CCDC30: variants seen among roughly 807,000 people sequenced by gnomAD.
CCDC30 encodes coiled-coil domain containing 30, also known as coiled-coil domain-containing protein 30.
In CCDC30, 70 loss-of-function variants were observed where a neutral mutation model predicts 100.2. The ratio of observed to expected loss-of-function variants is 0.70; its 90% confidence interval spans 0.58 to 0.85. CCDC30 has a LOEUF of 0.85. Ranked by LOEUF, CCDC30 falls within the 40% of genes least tolerant of loss-of-function variation. The pLI is 0.00. For synonymous variants in CCDC30, 233 were observed against 269.5 expected (o/e 0.86, Z 1.33); for missense variants, 652 against 771.2 (o/e 0.85, Z 1.83).
At chr1:42,559,365 C>T (rs1305567087) in intron 6 of CCDC30, among the ~76,000 whole-genome samples, 1 of 152,116 alleles carries the variant, frequency 6.6e-6, no homozygotes, top group Non-Finnish European at 1.5e-5. Context: ...GATAAGGAGT[C>T]AAGACCCATT....
intron 6 of CCDC30, chr1:42,500,300 C>T: frequency 2.5e-6 from 4 of 1,610,474 alleles, no homozygotes; most frequent in South Asian, 2.2e-5. Context: ...TTCGACTTAT[C>T]GAATTTCTCC....
intron 6 of CCDC30, chr1:42,534,959 A>T (rs35880938): frequency 1.4e-5 from 2 of 148,056 alleles, no homozygotes; most frequent in African/African-American, 4.9e-5. Context: ...AGTACAAAAG[A>T]TCAAGAGACA....
At chr1:42,644,796 C>T (rs756061016) in exon 14 of CCDC30, 7 of 1,605,950 alleles carry the variant, frequency 4.4e-6, no homozygotes, top group African/African-American at 4.0e-5. Context: ...CATCCATATT[C>T]GCAGAGGAGA....
intron 6 of CCDC30, among the ~76,000 whole-genome samples, chr1:42,506,725 T>A (rs551081218): frequency 1.3e-5 from 2 of 152,276 alleles, no homozygotes; most frequent in South Asian, 2.1e-4. Context: ...GGAGAGACAA[T>A]TTTGAAACTT....
intron 6 of CCDC30, among the ~76,000 whole-genome samples, chr1:42,520,762 TC>T (rs1313212993): frequency 6.9e-6 from 1 of 143,982 alleles, no homozygotes; most frequent in East Asian, 2.2e-4. Context: ...TGCCTCAGCC[TC>T]CCGGGTAGCT....
At chr1:42,570,283 A>G (rs1645705667) in intron 7 of CCDC30, among the ~76,000 whole-genome samples, 1 of 151,910 alleles carries the variant, frequency 6.6e-6, no homozygotes, top group Admixed American at 6.6e-5. Context: ...CTATGATCAC[A>G]CCACTGCACT....
intron 6 of CCDC30, among the ~76,000 whole-genome samples, chr1:42,512,524 T>A (rs975568698): frequency 1.3e-5 from 2 of 152,292 alleles, no homozygotes; most frequent in Non-Finnish European, 2.9e-5. Context: ...CTATAGAATT[T>A]CCTGATCTTG....
In CCDC30 at chr1:42,476,690, CA is replaced by C. The variant is rs545352046; in HGVS notation, c.-91-3757del. Among the ~76,000 whole-genome samples the C allele has an allele frequency of 4.9e-3, 533 of 108,594 alleles. 2 individuals are homozygous for C. Among genetic ancestry groups the C allele is most frequent in the South Asian group, 0.02 (59 of 2,966 alleles). 71.2% of individuals were successfully genotyped at this position (108,594 alleles called of 152,430 possible). A position where few individuals can be genotyped will look rare whatever the true frequency, so the allele number is the denominator to read the frequency against. ...GGGCAAAAGGAGTGAAACTCCTTCTCAAAAAAAAAAAAAAGATAAAAAAATT... is the reference window on the plus strand; with the variant it reads ...GGGCAAAAGGAGTGAAACTCCTTCTCAAAAAAAAAAAAAGATAAAAAAATT... On this transcript the variant is annotated intron_variant, in intron 1 of 16. Transcript: ENST00000668663.
chr1:42,569,716 G>A (rs1314236221), intron 7 of CCDC30, among the ~76,000 whole-genome samples: 1 of 152,094 alleles, frequency 6.6e-6, no homozygotes, highest in East Asian at 1.9e-4. Context: ...GCAAAGACTT[G>A]GAACCAACCC....
intron 10 of CCDC30, 88 bp from the exon 15 acceptor site, chr1:42,610,890 T>G (rs2148641554): frequency 7.7e-6 from 5 of 647,854 alleles, no homozygotes; most frequent in Non-Finnish European, 1.3e-5. Flanking sequence ...TAAGCTTTTT[T>G]TTTTTTTTTT....
intron 6 of CCDC30, among the ~76,000 whole-genome samples, chr1:42,514,552 A>AT (rs1644526226): frequency 6.6e-6 from 1 of 151,542 alleles, no homozygotes; most frequent in Admixed American, 6.6e-5. Context: ...TTTGGTGAAA[A>AT]TTTTTTCAAA....
At chr1:42,470,534 A>G (rs1429935108) in intron 1 of CCDC30, among the ~76,000 whole-genome samples, 2 of 152,250 alleles carry the variant, frequency 1.3e-5, no homozygotes, top group Non-Finnish European at 1.5e-5. Flanking sequence ...CATCATTCAC[A>G]ATAGTTGAAA....
At chr1:42,527,006 A>T (rs1644733180) in intron 6 of CCDC30, among the ~76,000 whole-genome samples, 1 of 152,134 alleles carries the variant, frequency 6.6e-6, no homozygotes, top group African/African-American at 2.4e-5. Context: ...TTCAGAGGTG[A>T]TTTTAAACAT....
At chr1:42,613,015 A>G (rs1176446575) in intron 11 of CCDC30, among the ~76,000 whole-genome samples, 1 of 152,232 alleles carries the variant, frequency 6.6e-6, no homozygotes, top group African/African-American at 2.4e-5. Flanking sequence ...GTATCCTACT[A>G]TTACCAGAAA....
At chr1:42,511,370 C>T (rs1057081484) in intron 6 of CCDC30, among the ~76,000 whole-genome samples, 3 of 152,170 alleles carry the variant, frequency 2.0e-5, no homozygotes, top group South Asian at 2.1e-4. Flanking sequence ...TTGGACAAGG[C>T]CCCTTTAATG....
At chr1:42,504,619 T>C (rs1644369452) in intron 6 of CCDC30, among the ~76,000 whole-genome samples, 1 of 152,214 alleles carries the variant, frequency 6.6e-6, no homozygotes, top group Non-Finnish European at 1.5e-5. Flanking sequence ...AAAGTAACAT[T>C]AACAAATGTT....
chr1:42,654,246 T>G (rs1393952361), downstream of CCDC30: 4 of 511,778 alleles, frequency 7.8e-6, no homozygotes, highest in Admixed American at 1.4e-4. Context: ...AATATTGACT[T>G]TAGTTCAATG....
chr1:42,506,566 T>C (rs1469585671), intron 6 of CCDC30, among the ~76,000 whole-genome samples: 1 of 152,224 alleles, frequency 6.6e-6, no homozygotes, highest in Non-Finnish European at 1.5e-5. Flanking sequence ...TTTTGGAACA[T>C]GTATTAGTAT....
chr1:42,572,807 C>T (rs946075929), intron 7 of CCDC30, among the ~76,000 whole-genome samples: 4 of 152,052 alleles, frequency 2.6e-5, no homozygotes, highest in African/African-American at 9.7e-5. Context: ...TTAGTAGATA[C>T]AGGGTTTCAC....
Sources: gnomAD v4.1 joint callset for allele counts (sites outside exome capture counted in the v4.1 genomes callset) on GRCh38, gnomAD v4.1.1 for gene constraint, MANE v1.5 for transcripts, NCBI Gene and HGNC (gene_info 2026-07-23, HGNC 2026-07-21) for gene names.